FZD3: variants seen among roughly 807,000 people sequenced by gnomAD.
FZD3 encodes frizzled class receptor 3.
In FZD3, 30 loss-of-function variants were observed where a neutral mutation model predicts 60.7. That is an observed-to-expected ratio of 0.49 (90% CI 0.37 to 0.67). FZD3 has a LOEUF of 0.67. Ranked by LOEUF, FZD3 falls within the 30% of genes least tolerant of loss-of-function variation. FZD3 has a pLI of 0.00. For synonymous variants in FZD3, 246 were observed against 275.2 expected (o/e 0.89, Z 1.05); for missense variants, 605 against 838.7 (o/e 0.72, Z 3.44).
At chr8:28,504,085 A>G (rs1245573206) in intron 3 of FZD3, among the ~76,000 whole-genome samples, 1 of 152,206 alleles carries the variant, frequency 6.6e-6, no homozygotes. Flanking sequence ...CAGCAAATGG[A>G]AGCCTACATG....
Position 28,563,133 on chromosome 8 carries a change from C to T in FZD3, c.*122C>T. 1.4e-6 allele frequency: 1 copy of T among 697,138 alleles called. No homozygotes were observed. The highest frequency in any genetic ancestry group is 2.6e-5 in the East Asian group (1 of 37,796). The allele number at this position is 697,138 out of a possible 1,614,324, so 43.2% of individuals were successfully genotyped here. On this transcript the variant is annotated 3_prime_UTR_variant, in exon 8 of 8. Coordinates refer to ENST00000240093, the MANE Select transcript of FZD3 (RefSeq NM_017412.4). ...GCTTTCAGTCAAGTACAGATTGTGTCCACTGGAAAGGTAAATGATTGCTTT... is the reference window on the plus strand; with the variant it reads ...GCTTTCAGTCAAGTACAGATTGTGTTCACTGGAAAGGTAAATGATTGCTTT...
chr8:28,512,777 G>A, intron 3 of FZD3, among the ~76,000 whole-genome samples: 1 of 152,018 alleles, frequency 6.6e-6, no homozygotes, highest in Non-Finnish European at 1.5e-5. Context: ...AGTCATGGAA[G>A]GCTTCAAATT....
At chr8:28,513,398 GATA>G (rs1382497640) in intron 3 of FZD3, among the ~76,000 whole-genome samples, 1 of 152,120 alleles carries the variant, frequency 6.6e-6, no homozygotes, top group African/African-American at 2.4e-5. Context: ...ATTCTTCCGT[GATA>G]ATGAGAAATT....
chr8:28,527,562 A>C lies in FZD3; in HGVS notation c.802A>C (p.Ile268Leu). ...AGATCGAGTAGCCTGCAATGCATCCATCCCTGCACAATATAAGGCTTCCAC... is the reference window on the plus strand; with the variant it reads ...AGATCGAGTAGCCTGCAATGCATCCCTCCCTGCACAATATAAGGCTTCCAC... ...LEDRVACNAS[I>L]PAQYKASTVT... Residue 268 changes from isoleucine (I) to leucine (L), a missense_variant, in exon 5 of 8, where the codon ATC becomes CTC. Physicochemically the swap from Ile to Leu is conservative, Grantham distance 5. Coordinates refer to ENST00000240093, the MANE Select transcript of FZD3 (RefSeq NM_017412.4). The surrounding 1 kb of genome is among the most constrained non-coding windows in gnomAD (Gnocchi z 5.0). The C allele has an allele frequency of 1.2e-6, 2 of 1,614,044 alleles. No individual in the cohort carries two copies. Among genetic ancestry groups the C allele is most frequent in the South Asian group, 2.2e-5 (2 of 91,084 alleles).
In FZD3 at chr8:28,528,047, C is replaced by G. The variant is rs767945705; in HGVS notation, c.1287C>G (p.Leu429=). The G allele has an allele frequency of 1.1e-5, 17 of 1,613,848 alleles. No homozygotes were observed. Among genetic ancestry groups the G allele is most frequent in the Non-Finnish European group, 1.4e-5 (17 of 1,179,808 alleles). Residue 429 remains leucine (L), a synonymous_variant, in exon 5 of 8, where the codon CTC becomes CTG. Coordinates refer to ENST00000240093, the MANE Select transcript of FZD3 (RefSeq NM_017412.4). ...IRIGVFSILY[L]VPLLVVIGCY... ...TCGGTGTTTTCAGCATTCTTTATCT[C>G]GTACCACTCTTGGTTGTAATTGGAT...
intron 5 of FZD3, 41 bp downstream of exon 5, chr8:28,528,205 T>C: frequency 1.4e-6 from 2 of 1,467,952 alleles, no homozygotes; most frequent in Non-Finnish European, 1.9e-6. Flanking sequence ...TATATGATAA[T>C]GAAACAAAAG....
intron 3 of FZD3, among the ~76,000 whole-genome samples, chr8:28,504,651 A>C (rs1284497319): frequency 2.0e-5 from 3 of 152,190 alleles, no homozygotes; most frequent in Non-Finnish European, 4.4e-5. Flanking sequence ...TACACCTTGA[A>C]GGGCTGTTAG....
At position 28,569,228 on chromosome 8, in the gene FZD3, G is replaced by T. The variant is rs1805760419; in HGVS notation, c.*6217G>T. On this transcript the variant is annotated 3_prime_UTR_variant, in exon 8 of 8. Coordinates refer to ENST00000240093, the MANE Select transcript of FZD3 (RefSeq NM_017412.4). ...CTTAATAATTTCTATTTTCTATCCT[G>T]GAGTCTAAAATTAAACAAAAAAATC... The T allele has an allele frequency of 6.7e-6, 1 of 148,242 alleles. No homozygotes were observed. The allele number at this position is 148,242 out of a possible 1,614,324, so 9.2% of individuals were successfully genotyped here. A position where few individuals can be genotyped will look rare whatever the true frequency, so the allele number is the denominator to read the frequency against.
rs766557184 is a variant in FZD3 at position 28,551,666 on chromosome 8, G to T, written c.1468G>T (p.Val490Phe). 4.3e-6 allele frequency: 7 copies of T among 1,611,488 alleles called. No homozygotes were observed. The Admixed American group carries it at 1.0e-4, about 23-fold the overall frequency. The change falls in exon 6 of 8, where the codon GTT becomes TTT. Residue 490 changes from valine (V) to phenylalanine (F), a missense_variant. Transcript: ENST00000240093. ...GATGAAATACCTGATGGCTCTCATAGTTGGCATTCCCTCTGTATTTTGGGT... is the reference window on the plus strand; with the variant it reads ...GATGAAATACCTGATGGCTCTCATATTTGGCATTCCCTCTGTATTTTGGGT... ...FLMKYLMALI[V>F]GIPSVFWVGS...
At chr8:28,536,821 TAGC>T (rs1267717480) in intron 5 of FZD3, among the ~76,000 whole-genome samples, 2 of 152,216 alleles carry the variant, frequency 1.3e-5, no homozygotes, top group African/African-American at 4.8e-5. Context: ...AATACAAAAA[TAGC>T]AGAATAACAT....
intron 7 of FZD3, 71 bp from the exon 8 acceptor site, chr8:28,562,727 T>G: frequency 1.1e-6 from 1 of 937,250 alleles, no homozygotes. Context: ...GGCATTTTTA[T>G]GAAAATTATT....
At chr8:28,556,706 A>C (rs913351456) in intron 7 of FZD3, among the ~76,000 whole-genome samples, 2 of 152,256 alleles carry the variant, frequency 1.3e-5, no homozygotes, top group African/African-American at 4.8e-5. Context: ...AGTCATAGAC[A>C]ATATGTAGTC....
chr8:28,557,912 G>A (rs546958930), intron 7 of FZD3, among the ~76,000 whole-genome samples: 2 of 152,300 alleles, frequency 1.3e-5, no homozygotes, highest in South Asian at 4.1e-4. Context: ...AGGGTGCATT[G>A]GGATCTCAGA....
chr8:28,525,362 C>A lies in FZD3; in HGVS notation c.387-1785C>A, dbSNP rs74907014. 5.1e-3 allele frequency among the ~76,000 whole-genome samples: 776 copies of A among 152,180 alleles called. 5 individuals carry two copies. Among genetic ancestry groups the A allele is most frequent in the African/African-American group, 0.018 (745 of 41,506 alleles). On this transcript the variant is annotated intron_variant, in intron 4 of 7. Coordinates refer to ENST00000240093, the MANE Select transcript of FZD3 (RefSeq NM_017412.4). ...GTGATAGGGATACAATATAGGAGAG[C>A]AGAGGGATTCTATTTTCTATAGAGT...
Position 28,527,731 on chromosome 8 carries a change from T to C in FZD3, c.971T>C (p.Ile324Thr). The change falls in exon 5 of 8, where the codon ATT becomes ACT. Residue 324 changes from isoleucine (I) to threonine (T), a missense_variant. Coordinates refer to ENST00000240093, the MANE Select transcript of FZD3 (RefSeq NM_017412.4). The surrounding 1 kb of genome is among the most constrained non-coding windows in gnomAD (Gnocchi z 5.0). ...AAVPKWGSEA[I>T]EKKALLFHAS... Reference sequence around the variant, plus strand: ...GTGCCAAAGTGGGGTAGTGAAGCTATTGAGAAGAAAGCATTGCTGTTTCAC... The same window carrying C: ...GTGCCAAAGTGGGGTAGTGAAGCTACTGAGAAGAAAGCATTGCTGTTTCAC... 6.2e-7 allele frequency: 1 copy of C among 1,614,174 alleles called. No individual in the cohort carries two copies. The highest frequency in any genetic ancestry group is 8.5e-7 in the Non-Finnish European group (1 of 1,180,012).
At chr8:28,526,915 C>T (rs748390671) in intron 4 of FZD3, among the ~76,000 whole-genome samples, 4 of 152,084 alleles carry the variant, frequency 2.6e-5, no homozygotes, top group Non-Finnish European at 5.9e-5. Flanking sequence ...TTCTTTGTCT[C>T]GAGGCTATCA....
intron 3 of FZD3, among the ~76,000 whole-genome samples, chr8:28,511,656 A>C (rs577580530): frequency 1.3e-5 from 2 of 152,244 alleles, no homozygotes; most frequent in East Asian, 3.9e-4. Context: ...CCCTTTGGTA[A>C]TATCTTAATT....
chr8:28,537,330 C>G (rs1467711628), intron 5 of FZD3, among the ~76,000 whole-genome samples: 2 of 152,084 alleles, frequency 1.3e-5, no homozygotes, highest in Non-Finnish European at 2.9e-5. Flanking sequence ...ACAGAATAAC[C>G]TAAGTTGTGT....
Position 28,527,351 on chromosome 8 carries a change from A to G in FZD3, c.591A>G (p.Glu197=). ...PPCPNMYFRR[E]ELSFARYFIG... ...GTCCAAATATGTACTTCAGAAGAGA[A>G]GAACTGTCATTTGCTCGCTATTTCA... The change falls in exon 5 of 8, where the codon GAA becomes GAG. Residue 197 remains glutamate (E), a synonymous_variant. Coordinates refer to ENST00000240093, the MANE Select transcript of FZD3 (RefSeq NM_017412.4). This position sits in a 1 kb window ranked among gnomAD's most constrained non-coding sequence, Gnocchi z 5.0. 1.9e-6 allele frequency: 3 copies of G among 1,613,772 alleles called. No homozygotes were observed. Among genetic ancestry groups the G allele is most frequent in the Non-Finnish European group, 2.5e-6 (3 of 1,179,638 alleles).
Sources: allele counts gnomAD v4.1 joint callset (sites outside exome capture counted in the v4.1 genomes callset), GRCh38; gene constraint gnomAD v4.1.1; non-coding constraint Gnocchi (gnomAD v3.1); transcripts MANE v1.5; gene names NCBI Gene and HGNC (gene_info 2026-07-23, HGNC 2026-07-21).